Variants in PLXNA2 observed in about 807,000 individuals in gnomAD.
PLXNA2 encodes plexin A2, also known as plexin-A2.
A neutral mutation model predicts 193.5 loss-of-function variants in PLXNA2; 91 were observed. The observed-to-expected ratio is 0.47, with a 90% CI of 0.40 to 0.56. The LOEUF (loss-of-function observed/expected upper bound fraction) is 0.56. Ranked by LOEUF, PLXNA2 falls within the 20% of genes least tolerant of loss-of-function variation. The probability of loss-of-function intolerance (pLI) is 0.00; values close to 1 mark genes in which losing one functional copy is unlikely to be tolerated. For synonymous variants in PLXNA2, 997 were observed against 1,027.3 expected, an observed-to-expected ratio of 0.97 and a Z score of 0.56; for missense variants, 1,995 against 2,503.2, an observed-to-expected ratio of 0.80 and a Z score of 4.33.
At chr1:208,029,488 C>T in intron 29 of PLXNA2, 3 of 1,005,736 alleles carry the variant, frequency 3.0e-6, no homozygotes, top group Non-Finnish European at 3.6e-6. Flanking sequence ...GGAGCAGGCA[C>T]AAAGGGCGCC....
intron 3 of PLXNA2, among the ~76,000 whole-genome samples, chr1:208,177,095 G>A (rs1358533241): frequency 6.6e-6 from 1 of 152,116 alleles, no homozygotes; most frequent in Non-Finnish European, 1.5e-5. Context: ...CATTCTGCCT[G>A]CTTTAGGGCC....
rs750345311 is a variant in PLXNA2, at chr1:208,142,358, G to A, written c.1477C>T (p.Arg493Cys). ...CTCTCAGACATGACGTACAGGTAGC[G>A]CTGATCAATGGAGAAGGCCATGTCC... ...LRDMAFSIDQ[R>C]YLYVMSERQV... The change falls in exon 4 of 32, where the codon CGC becomes TGC. Residue 493 changes from arginine to cysteine, a missense_variant. Physicochemically the swap from Arg to Cys is radical, Grantham distance 180. Transcript: ENST00000367033. The A allele has an allele frequency of 9.5e-5, 154 of 1,613,198 alleles. No individual in the cohort carries two copies. Among genetic ancestry groups the A allele is most frequent in the Non-Finnish European group, 1.3e-4 (152 of 1,179,634 alleles).
At chr1:208,147,165 G>C (rs937748466) in intron 3 of PLXNA2, among the ~76,000 whole-genome samples, 2 of 152,136 alleles carry the variant, frequency 1.3e-5, no homozygotes, top group Admixed American at 6.5e-5. Flanking sequence ...GGGACTACAG[G>C]TGTGCACCAC....
intron 1 of PLXNA2, among the ~76,000 whole-genome samples, chr1:208,230,686 G>A (rs569201747): frequency 6.6e-4 from 100 of 152,318 alleles, no homozygotes; most frequent in Non-Finnish European, 1.5e-5. Flanking sequence ...CCAACAGCCA[G>A]CCTTCCAATA....
intron 10 of PLXNA2, among the ~76,000 whole-genome samples, chr1:208,084,102 T>TA (rs1265031113): frequency 2.6e-5 from 4 of 152,258 alleles, no homozygotes; most frequent in African/African-American, 9.6e-5. Context: ...AAATTAAAAA[T>TA]AAAAAAATTT....
At chr1:208,087,069 G>A (rs980538029) in intron 9 of PLXNA2, among the ~76,000 whole-genome samples, 1 of 151,188 alleles carries the variant, frequency 6.6e-6, no homozygotes, top group South Asian at 2.1e-4. Flanking sequence ...TTCTTACTCC[G>A]AACCAGCTGA....
Position 208,186,736 on chromosome 1 carries a change from G to A in PLXNA2, c.1371+23544C>T, listed in dbSNP as rs1369571638. 8.7e-4 allele frequency among the ~76,000 whole-genome samples: 68 copies of A among 78,188 alleles called. 1 individual carries two copies. The highest frequency in any genetic ancestry group is 7.6e-3 in the Middle Eastern group (1 of 132). The allele number at this position is 78,188 out of a possible 152,430, so 51.3% of individuals were successfully genotyped here. A position where few individuals can be genotyped will look rare whatever the true frequency, so the allele number is the denominator to read the frequency against. On this transcript the variant is annotated intron_variant, in intron 3 of 31. Coordinates refer to ENST00000367033, the MANE Select transcript of PLXNA2 (RefSeq NM_025179.4). ...TTATTTTTTTTTTTTTTTTTGAGAC[G>A]GAGTCTCGCTCTGTCGCCCAGGCGG...
intron 1 of PLXNA2, 28 bp from the exon 2 acceptor site, chr1:208,218,030 A>C: frequency 6.5e-7 from 1 of 1,535,340 alleles, no homozygotes; most frequent in Non-Finnish European, 8.7e-7. Context: ...GAGTGGTCAG[A>C]CCAAAAATAA....
intron 2 of PLXNA2, 70 bp from the exon 3 acceptor site, chr1:208,210,532 T>A: frequency 7.4e-7 from 1 of 1,353,372 alleles, no homozygotes; most frequent in Middle Eastern, 2.6e-4. Context: ...ACGACCCATA[T>A]CCACAACTTC....
At chr1:208,161,347 G>A (rs1327689239) in intron 3 of PLXNA2, among the ~76,000 whole-genome samples, 1 of 152,142 alleles carries the variant, frequency 6.6e-6, no homozygotes, top group Non-Finnish European at 1.5e-5. Context: ...CTGCAGCAAA[G>A]GGCTCTCTGA....
chr1:208,039,044 G>C (rs1664769229), intron 24 of PLXNA2, 60 bp from the exon 25 acceptor site: 2 of 1,505,470 alleles, frequency 1.3e-6, no homozygotes, highest in South Asian at 1.2e-5. Context: ...TTGAGGGAGA[G>C]GGTCAGGACC....
chr1:208,077,769 A>G (rs1291818474), intron 12 of PLXNA2, among the ~76,000 whole-genome samples: 2 of 152,144 alleles, frequency 1.3e-5, no homozygotes, highest in Admixed American at 1.3e-4. Context: ...GACACAGGAG[A>G]AAGTCAGGAG....
intron 11 of PLXNA2, 99 bp from the exon 12 acceptor site, chr1:208,079,549 C>T (rs1666266201): frequency 2.3e-6 from 2 of 855,838 alleles, no homozygotes; most frequent in Non-Finnish European, 3.6e-6. Context: ...AACTCTTCCC[C>T]ACCATGGATA....
chr1:208,100,890 C>A (rs1371978078), intron 5 of PLXNA2, among the ~76,000 whole-genome samples: 2 of 152,216 alleles, frequency 1.3e-5, no homozygotes, highest in East Asian at 3.9e-4. Flanking sequence ...TGGAAACCCG[C>A]TCCACGGCTG....
chr1:208,244,313 C>T lies in PLXNA2; in HGVS notation c.-751G>A, dbSNP rs1364771576. ...GCTCTGGCTCCCGCGGTGGCGGCGG[C>T]GGCGGCGGCGGCGGCGGCGGCGGAG... On this transcript the variant is annotated 5_prime_UTR_variant, in exon 1 of 32. Coordinates refer to ENST00000367033, the MANE Select transcript of PLXNA2 (RefSeq NM_025179.4). 1.6e-5 allele frequency: 3 copies of T among 187,334 alleles called. No individual in the cohort carries two copies. The highest frequency in any genetic ancestry group is 1.7e-4 in the East Asian group (1 of 5,756). The allele number at this position is 187,334 out of a possible 1,614,324, so 11.6% of individuals were successfully genotyped here.
At chr1:208,139,059 A>C (rs1389375699) in intron 4 of PLXNA2, among the ~76,000 whole-genome samples, 1 of 152,216 alleles carries the variant, frequency 6.6e-6, no homozygotes, top group African/African-American at 2.4e-5. Context: ...AAAATAAAAA[A>C]TTTTAAAATT....
intron 3 of PLXNA2, among the ~76,000 whole-genome samples, chr1:208,178,275 G>A (rs902235528): frequency 7.2e-5 from 11 of 152,194 alleles, no homozygotes; most frequent in African/African-American, 2.7e-4. Context: ...TGTACACAAT[G>A]TGCAGCCAGG....
intron 1 of PLXNA2, among the ~76,000 whole-genome samples, chr1:208,235,074 C>T (rs750742860): frequency 1.3e-5 from 2 of 152,184 alleles, no homozygotes; most frequent in African/African-American, 2.4e-5. Flanking sequence ...CCTACCAATC[C>T]TACGACAGTG....
At chr1:208,147,046 G>T (rs1199952634) in intron 3 of PLXNA2, among the ~76,000 whole-genome samples, 1 of 152,138 alleles carries the variant, frequency 6.6e-6, no homozygotes, top group Non-Finnish European at 1.5e-5. Context: ...TTTTAAGACA[G>T]GGTCTCACTC....
Sources: allele counts gnomAD v4.1 joint callset (sites outside exome capture counted in the v4.1 genomes callset), GRCh38; gene constraint gnomAD v4.1.1; transcripts MANE v1.5; gene names NCBI Gene and HGNC (gene_info 2026-07-23, HGNC 2026-07-21).